The following RAD51B variants were observed in gnomAD, a reference collection of about 807,000 sequenced individuals.
RAD51B encodes the protein DNA repair protein RAD51 homolog 2.
In RAD51B, 38 loss-of-function variants were observed where a neutral mutation model predicts 42.2. That is an observed-to-expected ratio of 0.90 (90% CI 0.70 to 1.18). The LOEUF is 1.18. Among genes scored for constraint, RAD51B ranks in the 50% most tolerant of loss-of-function variants. The probability of loss-of-function intolerance (pLI) is 0.00; values close to 1 mark genes in which losing one functional copy is unlikely to be tolerated. For missense variants in RAD51B, 373 were observed against 400.7 expected (o/e 0.93, Z 0.59); for synonymous variants, 154 against 145.2 (o/e 1.06, Z -0.43).
At chr14:67,834,989 TA>T in intron 3 of RAD51B, 90 bp from the exon 4 acceptor site, 1 of 975,006 alleles carries the variant, frequency 1.0e-6, no homozygotes. Context: ...GGATTAGGGT[TA>T]AAATTGCTAA....
In RAD51B at chr14:68,314,533, G is replaced by A. The variant is rs3784107; in HGVS notation, c.853+22553G>A. Among the ~76,000 whole-genome samples, 3 of 152,246 alleles carry A rather than the reference G, an allele frequency of 2.0e-5. No individual in the cohort carries two copies. The East Asian group carries it at 5.8e-4, about 29-fold the overall frequency. Reference sequence around the variant, plus strand: ...CCTGGCATTTGTTCATACATTGGAAGCCCAAAGCTTCCACACAGTTGAGTC... The same window carrying A: ...CCTGGCATTTGTTCATACATTGGAAACCCAAAGCTTCCACACAGTTGAGTC... On this transcript the variant is annotated intron_variant, in intron 8 of 10. Coordinates refer to ENST00000471583, the MANE Select transcript of RAD51B (RefSeq NM_133510.4).
At chr14:68,082,493 T>TTATGTATGTATG (rs140657460) in intron 7 of RAD51B, among the ~76,000 whole-genome samples, 97 of 151,264 alleles carry the variant, frequency 6.4e-4, no homozygotes, top group African/African-American at 2.1e-3. Context: ...ATATATGTAT[T>TTATGTATGTATG]TATGTATGTA....
At chr14:67,846,181 C>T (rs933490560) in intron 4 of RAD51B, among the ~76,000 whole-genome samples, 1 of 152,080 alleles carries the variant, frequency 6.6e-6, no homozygotes, top group South Asian at 2.1e-4. Context: ...CTGGTGGGTG[C>T]GGCGCTGCCA....
chr14:68,376,475 A>G (rs972732759), intron 8 of RAD51B, among the ~76,000 whole-genome samples: 1 of 152,228 alleles, frequency 6.6e-6, no homozygotes, highest in African/African-American at 2.4e-5. Context: ...TCCAAGAATG[A>G]ATGGTCTGAT....
At chr14:68,073,038 ATGT>A (rs1421800388) in intron 7 of RAD51B, among the ~76,000 whole-genome samples, 1 of 151,946 alleles carries the variant, frequency 6.6e-6, no homozygotes, top group Non-Finnish European at 1.5e-5. Context: ...CTTTAGATGT[ATGT>A]TTAGTGTATT....
intron 7 of RAD51B, among the ~76,000 whole-genome samples, chr14:67,987,601 A>G (rs540181943): frequency 1.3e-5 from 2 of 151,574 alleles, no homozygotes; most frequent in East Asian, 1.9e-4. Context: ...TTTTTTTCCT[A>G]TTTTAATGAA....
chr14:68,073,222 T>A (rs887421694), intron 7 of RAD51B, among the ~76,000 whole-genome samples: 2 of 152,228 alleles, frequency 1.3e-5, no homozygotes, highest in African/African-American at 2.4e-5. Context: ...GGTGCATATA[T>A]ATTTAGGATT....
chr14:68,608,938 C>T (rs1164544565), intron 10 of RAD51B, among the ~76,000 whole-genome samples: 2 of 152,162 alleles, frequency 1.3e-5, no homozygotes, highest in African/African-American at 4.8e-5. Context: ...GCCCCCACTT[C>T]TCAACCTCTG....
intron 10 of RAD51B, among the ~76,000 whole-genome samples, chr14:68,527,953 T>C (rs2140342728): frequency 6.6e-6 from 1 of 152,352 alleles, no homozygotes; most frequent in Admixed American, 6.5e-5. Flanking sequence ...TTTTCCAAAT[T>C]TTCTTTAGTA....
intron 10 of RAD51B, among the ~76,000 whole-genome samples, chr14:68,608,448 C>T (rs988697553): frequency 1.3e-5 from 2 of 152,134 alleles, no homozygotes; most frequent in African/African-American, 4.8e-5. Flanking sequence ...CTTGCTTGAG[C>T]GTGGTGAGGA....
intron 5 of RAD51B, among the ~76,000 whole-genome samples, chr14:67,877,246 T>A (rs2042755931): frequency 6.6e-6 from 1 of 152,174 alleles, no homozygotes; most frequent in Non-Finnish European, 1.5e-5. Flanking sequence ...TCTCAGTTGA[T>A]GCATACAGCA....
rs1189429114 is a variant in RAD51B at position 68,061,884 on chromosome 14, T to C, written c.756+174680T>C. The stretch of plus-strand genomic sequence containing the variant: ...TTCTCCTTTTCGATTTGGATGCCTT[T>C]TATTTCTTTCTTTTGCCTGATTGCT... On this transcript the variant is annotated intron_variant, in intron 7 of 10. Transcript: ENST00000471583. Among the ~76,000 whole-genome samples, 3 of 152,218 alleles carry C rather than the reference T, an allele frequency of 2.0e-5. No individual in the cohort carries two copies. The East Asian group carries it at 5.8e-4, about 29-fold the overall frequency.
At chr14:68,087,852 A>ATATATAATTATATAATACATTATT (rs1566634027) in intron 7 of RAD51B, among the ~76,000 whole-genome samples, 41 of 119,546 alleles carry the variant, frequency 3.4e-4, no homozygotes, top group African/African-American at 1.4e-3. Flanking sequence ...TAATTATTAT[A>ATATATAATTATATAATACATTATT]TATATAATTA....
chr14:68,327,565 T>G (rs2082274624), intron 8 of RAD51B, among the ~76,000 whole-genome samples: 1 of 152,130 alleles, frequency 6.6e-6, no homozygotes, highest in South Asian at 2.1e-4. Context: ...TCCCTTTTGC[T>G]TTTAATATCA....
intron 4 of RAD51B, among the ~76,000 whole-genome samples, chr14:67,838,319 G>T (rs1189188991): frequency 6.6e-6 from 1 of 152,196 alleles, no homozygotes; most frequent in Non-Finnish European, 1.5e-5. Flanking sequence ...CACACATGTG[G>T]AGGTAAGAGA....
intron 10 of RAD51B, among the ~76,000 whole-genome samples, chr14:68,636,697 C>T (rs151068799): frequency 1.0e-3 from 157 of 152,240 alleles, no homozygotes; most frequent in African/African-American, 3.6e-3. Context: ...TTGATGTCTC[C>T]CAGTCCTAGT....
At chr14:68,029,708 C>A (rs1030499340) in intron 7 of RAD51B, among the ~76,000 whole-genome samples, 1 of 152,126 alleles carries the variant, frequency 6.6e-6, no homozygotes, top group Non-Finnish European at 1.5e-5. Flanking sequence ...CCTTTTCCAG[C>A]GAATCAGGAA....
At chr14:67,978,560 A>G (rs955022643) in intron 7 of RAD51B, among the ~76,000 whole-genome samples, 2 of 152,178 alleles carry the variant, frequency 1.3e-5, no homozygotes, top group Non-Finnish European at 2.9e-5. Context: ...TAAAGGTAAA[A>G]GAAGTAAAGA....
At chr14:68,375,615 A>G (rs191457651) in intron 8 of RAD51B, among the ~76,000 whole-genome samples, 4 of 152,044 alleles carry the variant, frequency 2.6e-5, no homozygotes, top group African/African-American at 7.3e-5. Context: ...AACTGTTTGC[A>G]TGTTTAGGCT....
Sources: gnomAD v4.1 joint callset for allele counts (sites outside exome capture counted in the v4.1 genomes callset) on GRCh38, gnomAD v4.1.1 for gene constraint, MANE v1.5 for transcripts, NCBI Gene and HGNC (gene_info 2026-07-23, HGNC 2026-07-21) for gene names.